Variants in ARFGEF2 observed in about 807,000 individuals in gnomAD.
ARFGEF2 encodes the protein ARF guanine nucleotide exchange factor 2, also known as brefeldin A-inhibited guanine nucleotide-exchange protein 2.
A neutral mutation model predicts 219.9 loss-of-function variants in ARFGEF2; 74 were observed. The observed-to-expected ratio is 0.34, with a 90% CI of 0.28 to 0.41. The LOEUF (loss-of-function observed/expected upper bound fraction) is 0.41, where lower values mean the gene tolerates loss of function less well. Ranked by LOEUF, ARFGEF2 falls within the 10% of genes least tolerant of loss-of-function variation. The probability of loss-of-function intolerance (pLI) is 1.00; values close to 1 mark genes in which losing one functional copy is unlikely to be tolerated. For missense variants in ARFGEF2, 1,743 were observed against 2,218.3 expected (o/e 0.79, Z 4.30); for synonymous variants, 733 against 799.2 (o/e 0.92, Z 1.40).
intron 38 of ARFGEF2, among the ~76,000 whole-genome samples, 157 bp from the exon 39 acceptor site, chr20:49,032,866 T>TA (rs1385290089): frequency 2.0e-5 from 3 of 152,008 alleles, no homozygotes; most frequent in African/African-American, 7.3e-5. Flanking sequence ...GTGCTGGGAT[T>TA]ATAGGCGTGA....
rs562272956 is a variant in ARFGEF2, at chr20:48,988,345, C to G, written c.2318C>G (p.Ala773Gly). 5.0e-6 allele frequency: 8 copies of G among 1,613,674 alleles called. No individual in the cohort carries two copies. The highest frequency in any genetic ancestry group is 6.8e-6 in the Non-Finnish European group (8 of 1,180,006). ...AGTGCTGACACTGCTTATGTCCTAG[C>G]GTATTCAATTATTATGCTGACTACA... ...FASADTAYVL[A>G]YSIIMLTTDL... Residue 773 changes from alanine (A) to glycine (G), a missense_variant, in exon 17 of 39, where the codon GCG becomes GGG. Ala to Gly is a moderately conservative substitution (Grantham distance 60). Transcript: ENST00000371917.
At position 49,035,417 on chromosome 20, in the gene ARFGEF2, A is replaced by C. The variant is rs1261107050; in HGVS notation, c.*2218A>C. The C allele has an allele frequency of 6.6e-6, 1 of 152,238 alleles. No homozygotes were observed. Among genetic ancestry groups the C allele is most frequent in the African/African-American group, 2.4e-5 (1 of 41,458 alleles). The allele number at this position is 152,238 out of a possible 1,614,324, so 9.4% of individuals were successfully genotyped here. A position where few individuals can be genotyped will look rare whatever the true frequency, so the allele number is the denominator to read the frequency against. On this transcript the variant is annotated 3_prime_UTR_variant, in exon 39 of 39. Transcript: ENST00000371917. ...GGCATTTGAATTGTACCAGCAATGG[A>C]CTTTTAAAAAATTGGATGTAAAACC...
intron 24 of ARFGEF2, 41 bp downstream of exon 24, chr20:48,998,274 C>A (rs577213889): frequency 6.2e-7 from 1 of 1,614,078 alleles, no homozygotes; most frequent in East Asian, 2.2e-5. Context: ...AGAAGCCTCA[C>A]GCTGTGACCG....
chr20:48,992,918 T>C (rs1293114729), intron 21 of ARFGEF2, among the ~76,000 whole-genome samples: 1 of 151,964 alleles, frequency 6.6e-6, no homozygotes, highest in African/African-American at 2.4e-5. Flanking sequence ...GGCATGGTGG[T>C]TCATGCCTGT....
intron 1 of ARFGEF2, among the ~76,000 whole-genome samples, chr20:48,933,196 G>A (rs1568688375): frequency 6.6e-6 from 1 of 152,146 alleles, no homozygotes; most frequent in Non-Finnish European, 1.5e-5. Context: ...GTTGCTAATT[G>A]CCCCATTGGC....
intron 3 of ARFGEF2, 122 bp from the exon 4 acceptor site, chr20:48,951,201 C>T (rs1190493348): frequency 1.1e-5 from 13 of 1,235,662 alleles, no homozygotes; most frequent in Non-Finnish European, 1.3e-5. Context: ...CTGCCTGGCT[C>T]CTGGGGAGCA....
intron 14 of ARFGEF2, among the ~76,000 whole-genome samples, chr20:48,980,093 T>G (rs1401311988): frequency 6.6e-6 from 1 of 152,230 alleles, no homozygotes; most frequent in Non-Finnish European, 1.5e-5. Flanking sequence ...ATTTTAGATC[T>G]TTCCTGCTTT....
intron 25 of ARFGEF2, among the ~76,000 whole-genome samples, chr20:49,003,923 T>C (rs2091439895): frequency 6.6e-6 from 1 of 152,184 alleles, no homozygotes; most frequent in African/African-American, 2.4e-5. Context: ...AGTCATTTGC[T>C]TTAGATGACA....
intron 18 of ARFGEF2, 50 bp from the exon 19 acceptor site, chr20:48,989,235 G>A (rs1212281210): frequency 1.2e-6 from 2 of 1,608,180 alleles, no homozygotes; most frequent in South Asian, 1.1e-5. Flanking sequence ...ATGGCATGTA[G>A]CCAGCCCTCA....
At chr20:48,925,397 AT>A (rs2090870516) in intron 1 of ARFGEF2, among the ~76,000 whole-genome samples, 1 of 152,218 alleles carries the variant, frequency 6.6e-6, no homozygotes, top group Non-Finnish European at 1.5e-5. Context: ...GGAGAATATA[AT>A]TACATTCTTA....
At chr20:48,942,594 C>T (rs192101221) in intron 3 of ARFGEF2, among the ~76,000 whole-genome samples, 1 of 149,872 alleles carries the variant, frequency 6.7e-6, no homozygotes, top group African/African-American at 2.5e-5. Context: ...AAGGGATTCT[C>T]CTGCCTCAGC....
chr20:48,970,561 G>T (rs6012573), intron 9 of ARFGEF2, among the ~76,000 whole-genome samples: 1 of 151,996 alleles, frequency 6.6e-6, no homozygotes, highest in Non-Finnish European at 1.5e-5. Context: ...AGTGAGCCGA[G>T]ATTTGTGCCA....
rs2091346055 is a variant in ARFGEF2, at chr20:48,989,658, C to T, written c.2788C>T (p.Arg930Ter). The T allele has an allele frequency of 6.2e-7, 1 of 1,614,154 alleles. No individual in the cohort carries two copies. Among genetic ancestry groups the T allele is most frequent in the Non-Finnish European group, 8.5e-7 (1 of 1,180,038 alleles). Residue 930 changes from arginine (R) to a stop codon, truncating the protein, a stop_gained, in exon 20 of 39, where the codon CGA (arginine) becomes TGA (stop). Transcript: ENST00000371917. LOFTEE classifies it high-confidence loss of function. The stretch of plus-strand genomic sequence containing the variant: ...TTTGGAAGGCATCCGATGTGCAATC[C>T]GAATCGCCTGCATCTTTGGAATGCA... ...LCLEGIRCAI[R>*]IACIFGMQLE...
intron 1 of ARFGEF2, among the ~76,000 whole-genome samples, chr20:48,924,130 TAGAGTAG>T (rs1235063827): frequency 1.3e-5 from 2 of 152,208 alleles, no homozygotes; most frequent in Non-Finnish European, 1.5e-5. Context: ...TGCTTTTACT[TAGAGTAG>T]AACACATAGC....
At position 48,989,376 on chromosome 20, in the gene ARFGEF2, C is replaced by T; in HGVS notation, c.2625C>T (p.Ser875=). Residue 875 remains serine (S), a synonymous_variant, in exon 19 of 39, where the codon AGC becomes AGT. Transcript: ENST00000371917. ...KTAKALMEAV[S]HAKAPFTSAT... is the part of the protein sequence containing the mutation. ...CCAAAGCTCTGATGGAGGCTGTGAG[C>T]CATGCCAAAGCCCCGTTTACCAGTG... 6.2e-7 allele frequency: 1 copy of T among 1,614,210 alleles called. No homozygotes were observed. Among genetic ancestry groups the T allele is most frequent in the Non-Finnish European group, 8.5e-7 (1 of 1,180,038 alleles).
Position 48,928,540 on chromosome 20 carries a change from G to A in ARFGEF2, c.121+6530G>A, listed in dbSNP as rs539844802. ...GAGCCAGTCTCGCTCTGTCGCCCAG[G>A]CTGGAGTGCAGTGGCGTGATCTCGG... On this transcript the variant is annotated intron_variant, in intron 1 of 38. Transcript: ENST00000371917. Among the ~76,000 whole-genome samples, 13 of 144,198 alleles carry A rather than the reference G, an allele frequency of 9.0e-5. No homozygotes were observed. The East Asian group carries it at 2.7e-3, about 30-fold the overall frequency. 94.6% of individuals were successfully genotyped at this position (144,198 alleles called of 152,430 possible). A position where few individuals can be genotyped will look rare whatever the true frequency, so the allele number is the denominator to read the frequency against.
chr20:48,929,339 C>T (rs1334185763), intron 1 of ARFGEF2, among the ~76,000 whole-genome samples: 1 of 152,176 alleles, frequency 6.6e-6, no homozygotes, highest in Non-Finnish European at 1.5e-5. Flanking sequence ...TCCTTCCGTC[C>T]TAGGGAGTGG....
chr20:48,984,439 T>C (rs2091314715), intron 14 of ARFGEF2, among the ~76,000 whole-genome samples: 1 of 152,148 alleles, frequency 6.6e-6, no homozygotes, highest in South Asian at 2.1e-4. Flanking sequence ...GGCAGGGAAA[T>C]GTTCTTTTTA....
At chr20:48,928,687 G>C (rs930924726) in intron 1 of ARFGEF2, among the ~76,000 whole-genome samples, 3 of 149,980 alleles carry the variant, frequency 2.0e-5, no homozygotes, top group Non-Finnish European at 4.4e-5. Context: ...GTAGAGACGG[G>C]GTTTCACCGT....
Sources: gnomAD v4.1 joint callset for allele counts (sites outside exome capture counted in the v4.1 genomes callset) on GRCh38, gnomAD v4.1.1 for gene constraint, MANE v1.5 for transcripts, NCBI Gene and HGNC (gene_info 2026-07-23, HGNC 2026-07-21) for gene names.